Variants in TTC3 observed in about 807,000 individuals in gnomAD.
TTC3 encodes the protein E3 ubiquitin-protein ligase TTC3.
Under a neutral mutation model 249.6 loss-of-function variants are expected in TTC3, and 180 were observed. The observed-to-expected ratio is 0.72, with a 90% CI of 0.64 to 0.82. The LOEUF is 0.82. Ranked by LOEUF, TTC3 falls within the 40% of genes least tolerant of loss-of-function variation. The pLI is 0.00. For missense variants in TTC3, 2,061 were observed against 2,398.4 expected, an observed-to-expected ratio of 0.86 and a Z score of 2.94; for synonymous variants, 717 against 805.0, an observed-to-expected ratio of 0.89 and a Z score of 1.85.
intron 1 of TTC3, among the ~76,000 whole-genome samples, chr21:37,079,038 T>C (rs1279929100): frequency 6.6e-6 from 1 of 152,238 alleles, no homozygotes; most frequent in Non-Finnish European, 1.5e-5. Context: ...TTTTCTTCTT[T>C]AATCTGTTAA....
chr21:37,106,881 G>A (rs964229285), intron 10 of TTC3, among the ~76,000 whole-genome samples: 2 of 152,042 alleles, frequency 1.3e-5, no homozygotes, highest in African/African-American at 4.8e-5. Context: ...GTGACAGAGT[G>A]AGCCCTTGTT....
At position 37,087,416 on chromosome 21, in the gene TTC3, T is replaced by C. The variant is rs199602707; in HGVS notation, c.144+15T>C. ...GTGATGGGGTGGTAAGTAGGTTTGC[T>C]AATTTTTCATTTTTGACATTGTGTA... On this transcript the variant is annotated intron_variant, in intron 2 of 45. Coordinates refer to ENST00000355666, the Ensembl canonical transcript of TTC3. 1 of 1,612,670 alleles carries C rather than the reference T, an allele frequency of 6.2e-7. No individual in the cohort carries two copies. Among genetic ancestry groups the C allele is most frequent in the East Asian group, 2.2e-5 (1 of 44,862 alleles).
chr21:37,138,132 G>A (rs2078124277), intron 18 of TTC3, among the ~76,000 whole-genome samples: 1 of 152,182 alleles, frequency 6.6e-6, no homozygotes, highest in African/African-American at 2.4e-5. Context: ...TGTGTACATT[G>A]TTTAATGGAC....
intron 14 of TTC3, 47 bp downstream of exon 14, chr21:37,124,789 C>A: frequency 6.3e-7 from 1 of 1,585,400 alleles, no homozygotes; most frequent in South Asian, 1.2e-5. Flanking sequence ...TAGATAGTCT[C>A]ATATTTTTAC....
chr21:37,151,139 G>A (rs2835631), intron 25 of TTC3, among the ~76,000 whole-genome samples: 5,692 of 152,088 alleles, frequency 0.037, 322 homozygotes, highest in African/African-American at 0.13. Context: ...AACATTTGAT[G>A]CTGTGAAATT....
intron 16 of TTC3, among the ~76,000 whole-genome samples, chr21:37,130,650 C>G (rs2077397402): frequency 6.6e-6 from 1 of 152,084 alleles, no homozygotes; most frequent in Non-Finnish European, 1.5e-5. Context: ...GTGTTTCTTC[C>G]CATGTTCAGA....
At chr21:37,126,571 G>A (rs2077058184) in intron 15 of TTC3, among the ~76,000 whole-genome samples, 1 of 152,122 alleles carries the variant, frequency 6.6e-6, no homozygotes, top group African/African-American at 2.4e-5. Context: ...TGTATAAAAG[G>A]AATTGATTTT....
chr21:37,152,335 TA>T (rs1180153310), intron 26 of TTC3, among the ~76,000 whole-genome samples: 2 of 152,016 alleles, frequency 1.3e-5, no homozygotes, highest in Non-Finnish European at 2.9e-5. Context: ...GAGGCTGGGT[TA>T]GGATTGTTGA....
exon 26 of TTC3, chr21:37,151,933 A>C: frequency 1.2e-6 from 2 of 1,605,642 alleles, no homozygotes. Context: ...AAAATTGAAG[A>C]GAAAGATCCA....
intron 25 of TTC3, among the ~76,000 whole-genome samples, chr21:37,151,190 T>A (rs2079432590): frequency 6.6e-6 from 1 of 152,130 alleles, no homozygotes. Flanking sequence ...ATAAAAACTA[T>A]ACAGTTTGCT....
At chr21:37,186,904 G>T in intron 37 of TTC3, 145 bp from the exon 38 acceptor site, 1 of 551,768 alleles carries the variant, frequency 1.8e-6, no homozygotes, top group Non-Finnish European at 3.2e-6. Flanking sequence ...GTATTGTGTA[G>T]TAAAATATGA....
chr21:37,145,858 C>A (rs1186688608), intron 21 of TTC3, among the ~76,000 whole-genome samples: 2 of 152,088 alleles, frequency 1.3e-5, no homozygotes, highest in African/African-American at 4.8e-5. Context: ...CTCACTCACC[C>A]CAGGGAGGGA....
At chr21:37,156,620 C>G in intron 27 of TTC3, 35 bp from the exon 28 acceptor site, 2 of 1,575,828 alleles carry the variant, frequency 1.3e-6, no homozygotes, top group Non-Finnish European at 1.7e-6. Context: ...AATAATTTCC[C>G]TCCTCTTCTG....
rs1312017994 is a variant in TTC3, at chr21:37,165,708, T to C, written c.3494T>C (p.Ile1165Thr). ...TTGGGATGCCCTCGTTTTGTTGTGATTGACAACTGTATTGCACTGAAGAAG... is the reference window on the plus strand; with the variant it reads ...TTGGGATGCCCTCGTTTTGTTGTGACTGACAACTGTATTGCACTGAAGAAG... The change falls in exon 33 of 46, where the codon ATT becomes ACT. Residue 1165 changes from isoleucine (I) to threonine (T), a missense_variant. Physicochemically the swap from Ile to Thr is moderately conservative, Grantham distance 89. This residue lies in a region of TTC3 where 1,040 missense variants were observed against 1,186.1 expected (regional missense o/e 0.88). Coordinates refer to ENST00000355666, the Ensembl canonical transcript of TTC3. 2.5e-6 allele frequency: 4 copies of C among 1,613,754 alleles called. No homozygotes were observed. Among genetic ancestry groups the C allele is most frequent in the Non-Finnish European group, 3.4e-6 (4 of 1,180,024 alleles).
chr21:37,080,752 C>T (rs1352684453), intron 1 of TTC3, among the ~76,000 whole-genome samples: 2 of 151,756 alleles, frequency 1.3e-5, no homozygotes, highest in Admixed American at 6.6e-5. Flanking sequence ...TGTCTGATCC[C>T]GTCTTTCTTT....
At chr21:37,093,861 C>G in intron 7 of TTC3, 144 bp from the exon 8 acceptor site, 1 of 498,530 alleles carries the variant, frequency 2.0e-6, no homozygotes, top group Non-Finnish European at 3.6e-6. Context: ...TAAAAGGTTA[C>G]AAGAAACATG....
At chr21:37,175,863 C>T (rs1445274565) in intron 35 of TTC3, among the ~76,000 whole-genome samples, 4 of 135,708 alleles carry the variant, frequency 2.9e-5, no homozygotes, top group African/African-American at 5.6e-5. Context: ...CTCTGCCTCC[C>T]GGGTTCCAGC....
intron 18 of TTC3, among the ~76,000 whole-genome samples, chr21:37,137,922 T>C (rs1366532740): frequency 6.6e-6 from 1 of 152,074 alleles, no homozygotes; most frequent in Non-Finnish European, 1.5e-5. Flanking sequence ...TCACTAGAAA[T>C]ACCCAGTGTA....
intron 29 of TTC3, among the ~76,000 whole-genome samples, chr21:37,160,287 G>A (rs1303786006): frequency 6.6e-6 from 1 of 152,172 alleles, no homozygotes; most frequent in Non-Finnish European, 1.5e-5. Context: ...CCTGTTTACT[G>A]ATTTTCAGGA....
Sources: gnomAD v4.1 joint callset for allele counts (sites outside exome capture counted in the v4.1 genomes callset) on GRCh38, gnomAD v4.1.1 for gene constraint, gnomAD v4.1.1 regional missense constraint, MANE v1.5 for transcripts, NCBI Gene and HGNC (gene_info 2026-07-23, HGNC 2026-07-21) for gene names.